ANO3: variants seen among roughly 807,000 people sequenced by gnomAD.
ANO3 encodes anoctamin-3.
In ANO3, 99 loss-of-function variants were observed where a neutral mutation model predicts 144.8. The ratio of observed to expected loss-of-function variants is 0.68; its 90% CI spans 0.58 to 0.81. ANO3 has a LOEUF of 0.81. ANO3 is among the 30% of genes least tolerant of loss of function. The pLI, the probability that ANO3 is intolerant of heterozygous loss-of-function variation, is 0.00. For missense variants in ANO3, 905 were observed against 1,202.2 expected (o/e 0.75, Z 3.66); for synonymous variants, 414 against 392.6 (o/e 1.05, Z -0.64).
At chr11:26,530,202 T>C (rs1481488098) in intron 7 of ANO3, among the ~76,000 whole-genome samples, 1 of 152,206 alleles carries the variant, frequency 6.6e-6, no homozygotes, top group Non-Finnish European at 1.5e-5. Context: ...AAAGTCAGCA[T>C]TACTTTTATT....
intron 21 of ANO3, among the ~76,000 whole-genome samples, chr11:26,640,400 G>A (rs1185635759): frequency 6.6e-6 from 1 of 152,182 alleles, no homozygotes; most frequent in Non-Finnish European, 1.5e-5. Flanking sequence ...AGAGAGAATA[G>A]AAGATGGAGG....
chr11:26,404,959 G>GTT (rs1857241967), intron 1 of ANO3, among the ~76,000 whole-genome samples: 2 of 150,618 alleles, frequency 1.3e-5, no homozygotes, highest in African/African-American at 4.9e-5. Context: ...GTGTGTGTGT[G>GTT]TGTGTGTGTG....
At chr11:26,372,901 G>C (rs1390310582) in intron 1 of ANO3, among the ~76,000 whole-genome samples, 1 of 151,938 alleles carries the variant, frequency 6.6e-6, no homozygotes, top group Non-Finnish European at 1.5e-5. Flanking sequence ...CAAACATGTT[G>C]TGTGGAAGTA....
intron 17 of ANO3, among the ~76,000 whole-genome samples, chr11:26,605,093 G>T (rs1460685974): frequency 6.6e-6 from 1 of 151,994 alleles, no homozygotes; most frequent in East Asian, 1.9e-4. Flanking sequence ...TGTTCCATCA[G>T]TACCTATTTT....
intron 1 of ANO3, among the ~76,000 whole-genome samples, chr11:26,267,874 T>G (rs1202590807): frequency 6.6e-6 from 1 of 152,160 alleles, no homozygotes; most frequent in Non-Finnish European, 1.5e-5. Context: ...TGTCTCATTT[T>G]TTTTCTTTCT....
At chr11:26,441,697 C>G (rs1858527859) in intron 1 of ANO3, among the ~76,000 whole-genome samples, 1 of 152,126 alleles carries the variant, frequency 6.6e-6, no homozygotes, top group Admixed American at 6.5e-5. Context: ...GGTGAAAGCT[C>G]AAACAGGAAA....
chr11:26,544,273 T>TATATATATATAC lies in ANO3; in HGVS notation c.1154+2206_1154+2207insTATATATATACA. On this transcript the variant is annotated intron_variant, in intron 11 of 26. Transcript: ENST00000256737. ...ATACATATATATATATATATATATA[T>TATATATATATAC]ACACACATACACACACACACACACA... is the stretch of plus-strand genomic sequence containing the variant. Among the ~76,000 whole-genome samples the TATATATATATAC allele has an allele frequency of 6.3e-3, 371 of 58,494 alleles. 31 individuals are homozygous for TATATATATATAC. Among genetic ancestry groups the TATATATATATAC allele is most frequent in the Non-Finnish European group, 0.011 (299 of 27,956 alleles). 38.4% of individuals were successfully genotyped at this position (58,494 alleles called of 152,430 possible). A position where few individuals can be genotyped will look rare whatever the true frequency, so the allele number is the denominator to read the frequency against.
intron 17 of ANO3, among the ~76,000 whole-genome samples, chr11:26,609,536 T>G (rs1852033900): frequency 6.6e-6 from 1 of 151,944 alleles, no homozygotes; most frequent in Non-Finnish European, 1.5e-5. Context: ...AGGATTCACA[T>G]GCTAATATTC....
intron 1 of ANO3, among the ~76,000 whole-genome samples, chr11:26,337,785 A>G (rs1855231157): frequency 6.6e-6 from 1 of 152,086 alleles, no homozygotes; most frequent in African/African-American, 2.4e-5. Flanking sequence ...AAATACAAAA[A>G]TTATCTGGGT....
At chr11:26,408,868 C>T (rs1408657641) in intron 1 of ANO3, among the ~76,000 whole-genome samples, 3 of 151,632 alleles carry the variant, frequency 2.0e-5, no homozygotes, top group East Asian at 2.0e-4. Flanking sequence ...AGCAAACTAT[C>T]GCAAGGACAA....
intron 1 of ANO3, among the ~76,000 whole-genome samples, chr11:26,412,826 G>GTGTGTGTA (rs1157559353): frequency 1.3e-5 from 2 of 151,340 alleles, no homozygotes; most frequent in East Asian, 1.9e-4. Context: ...GTGTGTGTGT[G>GTGTGTGTA]TGTATGTATG....
At chr11:26,297,486 C>T (rs767271310) in intron 1 of ANO3, among the ~76,000 whole-genome samples, 1 of 152,106 alleles carries the variant, frequency 6.6e-6, no homozygotes, top group Non-Finnish European at 1.5e-5. Context: ...CTTAATCCAC[C>T]CACATTAGCT....
chr11:26,530,364 A>G (rs1454860654), intron 7 of ANO3, among the ~76,000 whole-genome samples: 1 of 151,810 alleles, frequency 6.6e-6, no homozygotes, highest in Admixed American at 6.6e-5. Context: ...AATGTGTCAC[A>G]GTCATTTATT....
At chr11:26,542,317 TA>T (rs1338565303) in intron 11 of ANO3, among the ~76,000 whole-genome samples, 1 of 151,996 alleles carries the variant, frequency 6.6e-6, no homozygotes, top group Non-Finnish European at 1.5e-5. Flanking sequence ...TAACACCCCT[TA>T]AGGGTGGAGA....
intron 14 of ANO3, chr11:26,560,928 A>T: frequency 2.5e-6 from 2 of 813,520 alleles, no homozygotes; most frequent in South Asian, 1.9e-5. Flanking sequence ...CATTTCTGCT[A>T]CTGGTCTCCT....
chr11:26,316,843 G>T (rs535862367), intron 1 of ANO3, among the ~76,000 whole-genome samples: 148 of 152,268 alleles, frequency 9.7e-4, no homozygotes, highest in Middle Eastern at 3.4e-3. Context: ...TCTCTGCAGG[G>T]GGAAGCACAT....
chr11:26,487,116 G>T (rs1296418493), intron 4 of ANO3, among the ~76,000 whole-genome samples: 1 of 152,164 alleles, frequency 6.6e-6, no homozygotes, highest in African/African-American at 2.4e-5. Context: ...ATATGGTTTG[G>T]CTGTGTCCTC....
intron 3 of ANO3, among the ~76,000 whole-genome samples, chr11:26,455,067 C>T (rs886618007): frequency 3.3e-5 from 5 of 151,878 alleles, no homozygotes; most frequent in Non-Finnish European, 1.5e-5. Context: ...ATTGATGGGA[C>T]ATATCTCAAA....
chr11:26,353,490 T>G (rs1191568620), intron 1 of ANO3, among the ~76,000 whole-genome samples: 2 of 152,332 alleles, frequency 1.3e-5, no homozygotes, highest in Admixed American at 6.5e-5. Flanking sequence ...ATCTATCCAA[T>G]TTTTCAAATT....
Sources: gnomAD v4.1 joint callset for allele counts (sites outside exome capture counted in the v4.1 genomes callset) on GRCh38, gnomAD v4.1.1 for gene constraint, MANE v1.5 for transcripts, NCBI Gene and HGNC (gene_info 2026-07-23, HGNC 2026-07-21) for gene names.